BFSP2: variants seen among roughly 807,000 people sequenced by gnomAD.
The protein encoded by BFSP2 is beaded filament structural protein 2, also known as phakinin.
Under a neutral mutation model 44.9 loss-of-function variants are expected in BFSP2, and 38 were observed. That is an observed-to-expected ratio of 0.85 (90% CI 0.65 to 1.11). The LOEUF (loss-of-function observed/expected upper bound fraction) is 1.11, where lower values mean the gene tolerates loss of function less well. BFSP2 is among the 50% of genes least tolerant of loss of function. The probability of loss-of-function intolerance (pLI) is 0.00; values close to 1 mark genes in which losing one functional copy is unlikely to be tolerated. For missense variants in BFSP2, 525 were observed against 533.0 expected (o/e 0.99, Z 0.15); for synonymous variants, 197 against 209.9 (o/e 0.94, Z 0.53).
intron 1 of BFSP2, among the ~76,000 whole-genome samples, chr3:133,428,911 C>T (rs1348689878): frequency 6.6e-6 from 1 of 152,194 alleles, no homozygotes; most frequent in Non-Finnish European, 1.5e-5. Flanking sequence ...GTTTTCTTTT[C>T]CAAGTTGATT....
intron 1 of BFSP2, among the ~76,000 whole-genome samples, chr3:133,419,540 C>A (rs117540821): frequency 6.6e-6 from 1 of 152,166 alleles, no homozygotes; most frequent in Non-Finnish European, 1.5e-5. Context: ...CGACACAGGC[C>A]CCACTCTGTG....
intron 1 of BFSP2, among the ~76,000 whole-genome samples, chr3:133,434,097 C>T (rs1178492005): frequency 1.3e-5 from 2 of 152,198 alleles, no homozygotes; most frequent in Admixed American, 1.3e-4. Flanking sequence ...TCTCTTGGTG[C>T]TATTCCCAAA....
At chr3:133,402,904 G>C (rs1452012787) in intron 1 of BFSP2, among the ~76,000 whole-genome samples, 4 of 152,032 alleles carry the variant, frequency 2.6e-5, no homozygotes, top group Non-Finnish European at 5.9e-5. Context: ...CTGCCTCCCA[G>C]AGTGCTAGGA....
intron 3 of BFSP2, chr3:133,449,125 A>T (rs2073932554): frequency 6.0e-6 from 1 of 165,900 alleles, no homozygotes; most frequent in South Asian, 1.6e-4. Context: ...AGACTTCAGC[A>T]ATTCTAAACC....
intron 1 of BFSP2, chr3:133,410,476 C>A (rs1185650416): frequency 7.9e-5 from 22 of 278,472 alleles, no homozygotes; most frequent in Non-Finnish European, 1.2e-4. Flanking sequence ...TCGTTAAGCT[C>A]CAGTCATTCC....
intron 1 of BFSP2, among the ~76,000 whole-genome samples, chr3:133,402,844 T>G (rs1391868312): frequency 1.3e-5 from 2 of 152,034 alleles, no homozygotes; most frequent in African/African-American, 4.8e-5. Flanking sequence ...GGTTTCACCA[T>G]GTTGGCCAGG....
At chr3:133,405,636 C>A (rs745500857) in intron 1 of BFSP2, among the ~76,000 whole-genome samples, 2 of 152,180 alleles carry the variant, frequency 1.3e-5, no homozygotes, top group Admixed American at 6.5e-5. Context: ...GTGATGGGGG[C>A]AGAATCATAA....
chr3:133,435,445 G>C (rs1205072725), intron 1 of BFSP2, among the ~76,000 whole-genome samples: 2 of 152,150 alleles, frequency 1.3e-5, no homozygotes, highest in Non-Finnish European at 1.5e-5. Context: ...ATTGTGCTTT[G>C]TCTTCAGGAT....
rs568044557 is a variant in BFSP2 at position 133,424,668 on chromosome 3, C to T, written c.490-22649C>T. The stretch of plus-strand genomic sequence containing the variant: ...TTATTGTTTTTGAGACAGAGTCTCA[C>T]TCTGTCACCCAGGCTGGAGTGCCTT... On this transcript the variant is annotated intron_variant, in intron 1 of 6. Transcript: ENST00000302334. Among the ~76,000 whole-genome samples, 243 of 152,326 alleles carry T rather than the reference C, an allele frequency of 1.6e-3. 2 individuals carry two copies. Among genetic ancestry groups the T allele is most frequent in the African/African-American group, 5.5e-3 (228 of 41,584 alleles).
intron 4 of BFSP2, among the ~76,000 whole-genome samples, chr3:133,465,075 G>A (rs1449600040): frequency 5.4e-5 from 8 of 148,872 alleles, no homozygotes; most frequent in South Asian, 2.1e-4. Flanking sequence ...GTGCCATCTC[G>A]GCTCACTGCA....
At chr3:133,425,223 G>C (rs529693010) in intron 1 of BFSP2, among the ~76,000 whole-genome samples, 1 of 152,174 alleles carries the variant, frequency 6.6e-6, no homozygotes, top group Non-Finnish European at 1.5e-5. Flanking sequence ...AGCACTATGG[G>C]AGTTCAAATA....
intron 1 of BFSP2, chr3:133,404,840 T>C (rs1395318662): frequency 6.6e-6 from 1 of 152,174 alleles, no homozygotes; most frequent in African/African-American, 2.4e-5. Context: ...ACCTCTCTCC[T>C]CCCACTCCTC....
chr3:133,405,428 G>C (rs754032971), intron 1 of BFSP2, among the ~76,000 whole-genome samples: 45 of 152,092 alleles, frequency 3.0e-4, no homozygotes, highest in Non-Finnish European at 5.0e-4. Context: ...CCATACTCAG[G>C]GAATCTGCCT....
At position 133,466,916 on chromosome 3, in the gene BFSP2, A is replaced by G. The variant is rs1385788662; in HGVS notation, c.980A>G (p.Gln327Arg). 8.1e-6 allele frequency: 13 copies of G among 1,614,106 alleles called. No individual in the cohort carries two copies. The highest frequency in any genetic ancestry group is 1.1e-5 in the Non-Finnish European group (13 of 1,179,982). The change falls in exon 5 of 7, where the codon CAA (glutamine) becomes CGA (arginine). Residue 327 changes from glutamine (Q) to arginine (R), a missense_variant. Transcript: ENST00000302334. The part of the protein sequence containing the change: ...LRVELHNTSC[Q>R]VQSLQAETES... Reference sequence around the variant, plus strand: ...GTGGAGTTACACAACACTTCGTGCCAAGTCCAGAGCCTCCAGGCTGAGACA... The same window carrying G: ...GTGGAGTTACACAACACTTCGTGCCGAGTCCAGAGCCTCCAGGCTGAGACA...
chr3:133,414,035 CCT>C (rs147941482), intron 1 of BFSP2, among the ~76,000 whole-genome samples: 2,873 of 147,988 alleles, frequency 0.019, 71 homozygotes, highest in African/African-American at 0.057. Context: ...TCACCCCTGC[CCT>C]CTCTCCCCTA....
At chr3:133,473,438 C>CAA (rs748691333) in intron 6 of BFSP2, among the ~76,000 whole-genome samples, 2,651 of 71,676 alleles carry the variant, frequency 0.037, 87 homozygotes, top group Admixed American at 0.087. Context: ...GAGGCAGCAG[C>CAA]AAAAAAAAAA....
chr3:133,416,677 C>G (rs1708372), intron 1 of BFSP2, among the ~76,000 whole-genome samples: 7 of 131,000 alleles, frequency 5.3e-5, no homozygotes, highest in East Asian at 2.6e-4. Context: ...CTCACCCTTG[C>G]CCTCTCCCCT....
At chr3:133,419,319 G>A (rs1288378611) in intron 1 of BFSP2, among the ~76,000 whole-genome samples, 18 of 152,178 alleles carry the variant, frequency 1.2e-4, no homozygotes, top group Admixed American at 7.9e-4. Context: ...GATTCAGCCC[G>A]TAATACCCAT....
At chr3:133,432,307 C>T (rs769575489) in intron 1 of BFSP2, among the ~76,000 whole-genome samples, 1 of 152,190 alleles carries the variant, frequency 6.6e-6, no homozygotes, top group Non-Finnish European at 1.5e-5. Flanking sequence ...GGTGCCCAAC[C>T]GGTACACCCT....
Sources: gnomAD v4.1 joint callset for allele counts (sites outside exome capture counted in the v4.1 genomes callset) on GRCh38, gnomAD v4.1.1 for gene constraint, MANE v1.5 for transcripts, NCBI Gene and HGNC (gene_info 2026-07-23, HGNC 2026-07-21) for gene names.